The following TMEM175 variants were observed in gnomAD, a reference collection of about 807,000 sequenced individuals.
The protein encoded by TMEM175 is transmembrane protein 175.
TMEM175 carries 36 observed loss-of-function variants against 36.5 expected under a neutral mutation model. The observed-to-expected ratio is 0.99, with a 90% CI of 0.76 to 1.30. TMEM175 has a LOEUF of 1.30. Ranked by LOEUF, TMEM175 falls within the 50% of genes most tolerant of loss-of-function variation. The pLI, the probability that TMEM175 is intolerant of heterozygous loss-of-function variation, is 0.00. For synonymous variants in TMEM175, 339 were observed against 313.4 expected (o/e 1.08, Z -0.86); for missense variants, 705 against 692.8 (o/e 1.02, Z -0.20).
intron 1 of TMEM175, among the ~76,000 whole-genome samples, chr4:947,045 A>G (rs1324379924): frequency 1.5e-5 from 2 of 135,608 alleles, no homozygotes; most frequent in Admixed American, 7.3e-5. Flanking sequence ...GCACGCGTGC[A>G]CGGGCGCCGA....
chr4:958,028 G>A lies in TMEM175; in HGVS notation c.1047G>A (p.Leu349=). Residue 349 remains leucine (L), a synonymous_variant, in exon 11 of 11, where the codon CTG becomes CTA. Coordinates refer to ENST00000264771, the MANE Select transcript of TMEM175 (RefSeq NM_032326.4). ...RAMGLLNTLS[L]AFVGGLPLAY... is the part of the protein sequence containing the mutation. ...TGGGGCTGCTGAACACGCTCTCGCT[G>A]GCCTTCGTGGGTGGCCTCCCACTAG... 2 of 1,611,674 alleles carry A rather than the reference G, an allele frequency of 1.2e-6. No homozygotes were observed. The highest frequency in any genetic ancestry group is 1.1e-5 in the South Asian group (1 of 91,032).
intron 1 of TMEM175, among the ~76,000 whole-genome samples, chr4:933,764 C>T (rs1386986764): frequency 1.3e-5 from 2 of 152,268 alleles, no homozygotes; most frequent in East Asian, 1.9e-4. Context: ...GCCTCTTAGC[C>T]GTCCCAGAAG....
intron 8 of TMEM175, among the ~76,000 whole-genome samples, chr4:954,095 TCTC>T (rs1729315359): frequency 1.3e-5 from 2 of 152,106 alleles, no homozygotes; most frequent in Admixed American, 1.3e-4. Context: ...TTCAAGCAAT[TCTC>T]CTGCCTCAGC....
rs1355199327 is a variant in TMEM175 at position 950,504 on chromosome 4, G to C, written c.276G>C (p.Trp92Cys). The C allele has an allele frequency of 6.2e-7, 1 of 1,613,976 alleles. No homozygotes were observed. Among genetic ancestry groups the C allele is most frequent in the East Asian group, 2.2e-5 (1 of 44,888 alleles). Reference sequence around the variant, plus strand: ...CCTTTCTCATCGTGACAGTGGCCTGGGCAGCACACACAAGGTGGGGGCCCG... The same window carrying C: ...CCTTTCTCATCGTGACAGTGGCCTGCGCAGCACACACAAGGTGGGGGCCCG... ...LMTFLIVTVA[W>C]AAHTRLFQVV... Residue 92 changes from tryptophan (W) to cysteine (C), a missense_variant, in exon 4 of 11, where the codon TGG becomes TGC. Physicochemically the swap from Trp to Cys is radical, Grantham distance 215 (BLOSUM62 -2). Transcript: ENST00000264771.
chr4:940,100 C>A (rs1463407085), intron 1 of TMEM175, among the ~76,000 whole-genome samples: 1 of 152,196 alleles, frequency 6.6e-6, no homozygotes, highest in Non-Finnish European at 1.5e-5. Context: ...AGGTTCCATA[C>A]TGTATGATTC....
At chr4:943,499 G>A (rs1442896957) in intron 1 of TMEM175, among the ~76,000 whole-genome samples, 2 of 152,258 alleles carry the variant, frequency 1.3e-5, no homozygotes, top group East Asian at 1.9e-4. Flanking sequence ...TGATCTGCCC[G>A]CCTCGGCCTC....
At chr4:946,023 G>C (rs745419842) in intron 1 of TMEM175, 1 of 152,312 alleles carries the variant, frequency 6.6e-6, no homozygotes, top group Non-Finnish European at 1.5e-5. Flanking sequence ...GACAGCCTCC[G>C]GTGCTTCTGC....
chr4:951,177 T>C (rs1728843461), intron 4 of TMEM175, 30 bp from the exon 5 acceptor site: 3 of 1,611,154 alleles, frequency 1.9e-6, no homozygotes, highest in Non-Finnish European at 2.5e-6. Flanking sequence ...AACCGCGTTT[T>C]ATTGTCTATC....
Position 955,483 on chromosome 4 carries a change from G to A in TMEM175, c.706G>A (p.Gly236Ser), listed in dbSNP as rs1472017401. Residue 236 changes from glycine to serine, a missense_variant and splice_region_variant, in exon 9 of 11, where the codon GGC (glycine) becomes AGC (serine). Gly to Ser is a moderately conservative substitution (Grantham distance 56). Coordinates refer to ENST00000264771, the MANE Select transcript of TMEM175 (RefSeq NM_032326.4). ...CGGCTGGTGCAGAGACAGGCTCCTGGGTAGGTGATGACTGGGTGGGCTGGC... is the reference window on the plus strand; with the variant it reads ...CGGCTGGTGCAGAGACAGGCTCCTGAGTAGGTGATGACTGGGTGGGCTGGC... Reference protein sequence around the residue: ...VTGWCRDRLLGHREPSAHPVE... With the variant: ...VTGWCRDRLLSHREPSAHPVE... 1 of 1,613,886 alleles carries A rather than the reference G, an allele frequency of 6.2e-7. No homozygotes were observed. The highest frequency in any genetic ancestry group is 8.5e-7 in the Non-Finnish European group (1 of 1,179,892).
intron 1 of TMEM175, among the ~76,000 whole-genome samples, chr4:934,894 T>C (rs1325970983): frequency 1.3e-5 from 2 of 152,220 alleles, no homozygotes; most frequent in Non-Finnish European, 2.9e-5. Flanking sequence ...GGGCTGCAGT[T>C]GTAGGTGACC....
At chr4:949,125 G>A (rs1728552580) in intron 3 of TMEM175, among the ~76,000 whole-genome samples, 1 of 152,182 alleles carries the variant, frequency 6.6e-6, no homozygotes, top group Non-Finnish European at 1.5e-5. Context: ...TTGGCCAAAT[G>A]CAGTCGTGAG....
intron 4 of TMEM175, among the ~76,000 whole-genome samples, chr4:950,750 G>A (rs1728771422): frequency 6.7e-6 from 1 of 149,190 alleles, no homozygotes; most frequent in Admixed American, 6.7e-5. Context: ...TGGTGCAATA[G>A]GTGGAGGTGT....
chr4:958,511 A>G lies in TMEM175; in HGVS notation c.*15A>G, dbSNP rs1480653429. On this transcript the variant is annotated 3_prime_UTR_variant, in exon 11 of 11. Transcript: ENST00000264771. ...CCCCCTGCTAGCAGCCACAGAGCCC[A>G]CTCCCAGCCGTCCTCACCAGAGATG... The G allele has an allele frequency of 3.5e-5, 52 of 1,488,002 alleles. No individual in the cohort carries two copies. The highest frequency in any genetic ancestry group is 4.5e-5 in the Non-Finnish European group (50 of 1,120,262). The allele number at this position is 1,488,002 out of a possible 1,614,324, so 92.2% of individuals were successfully genotyped here.
At chr4:957,544 A>G (rs1486861561) in intron 10 of TMEM175, among the ~76,000 whole-genome samples, 4 of 152,272 alleles carry the variant, frequency 2.6e-5, no homozygotes, top group Non-Finnish European at 4.4e-5. Flanking sequence ...GCTGCAGCCC[A>G]GGGCCCCCAG....
rs754171022 is a variant in TMEM175 at position 950,487 on chromosome 4, A to G, written c.259A>G (p.Ile87Val). 1 of 1,613,978 alleles carries G rather than the reference A, an allele frequency of 6.2e-7. No homozygotes were observed. Among genetic ancestry groups the G allele is most frequent in the South Asian group, 1.1e-5 (1 of 91,088 alleles). ...RIAVYLMTFL[I>V]VTVAWAAHTR... ...TGCCGTCTACCTGATGACCTTTCTC[A>G]TCGTGACAGTGGCCTGGGCAGCACA... The change falls in exon 4 of 11, where the codon ATC (isoleucine) becomes GTC (valine). Residue 87 changes from isoleucine (I) to valine (V), a missense_variant. By Grantham distance (29) the Ile-to-Val change is conservative. Coordinates refer to ENST00000264771, the MANE Select transcript of TMEM175 (RefSeq NM_032326.4).
In TMEM175 at chr4:932,804, TAGTG is replaced by T. The variant is rs1726171294; in HGVS notation, c.-32+268_-32+271del. ...GGAGGTCGGAGTTTCCTGTGACGCT[TAGTG>T]AGTAAGGTTGGCAGCCCCCTCCCAG... On this transcript the variant is annotated intron_variant, in intron 1 of 10. Transcript: ENST00000264771. This position sits in a 1 kb window ranked among gnomAD's most constrained non-coding sequence, Gnocchi z 4.0. Among the ~76,000 whole-genome samples, 1 of 152,242 alleles carries T rather than the reference TAGTG, an allele frequency of 6.6e-6. No homozygotes were observed. Among genetic ancestry groups the T allele is most frequent in the Non-Finnish European group, 1.5e-5 (1 of 68,030 alleles).
intron 1 of TMEM175, 40 bp from the exon 2 acceptor site, chr4:947,669 A>G: frequency 6.6e-7 from 1 of 1,519,842 alleles, no homozygotes; most frequent in Non-Finnish European, 8.9e-7. Context: ...GACCTCCAGG[A>G]GCGCCCCACA....
At chr4:941,007 A>AAT (rs1727387893) in intron 1 of TMEM175, among the ~76,000 whole-genome samples, 27 of 131,858 alleles carry the variant, frequency 2.0e-4, no homozygotes, top group Non-Finnish European at 3.6e-4. Context: ...CTCCGTCTCA[A>AAT]AATAATAATA....
chr4:953,197 TTG>T lies in TMEM175; in HGVS notation c.473_474del (p.Val158GlyfsTer93). 6.2e-7 allele frequency: 1 copy of T among 1,608,204 alleles called. No individual in the cohort carries two copies. On this transcript the variant is annotated frameshift_variant, in exon 8 of 11. Coordinates refer to ENST00000264771, the MANE Select transcript of TMEM175 (RefSeq NM_032326.4). LOFTEE classifies it high-confidence loss of function. ...AGCTTGCTTTTCCCGCAGGCACTGA[TTG>T]TGGGGTACGCATTCCACTTCCCGCA...
Sources: gnomAD v4.1 joint callset for allele counts (sites outside exome capture counted in the v4.1 genomes callset) on GRCh38, gnomAD v4.1.1 for gene constraint, Gnocchi (gnomAD v3.1) non-coding constraint, MANE v1.5 for transcripts, NCBI Gene and HGNC (gene_info 2026-07-23, HGNC 2026-07-21) for gene names.